Variants in PHLPP1 observed in about 807,000 individuals in gnomAD.
PHLPP1 encodes PH domain and leucine rich repeat protein phosphatase 1, also known as PH domain leucine-rich repeat-containing protein phosphatase 1.
A neutral mutation model predicts 117.2 loss-of-function variants in PHLPP1; 42 were observed. That is an observed-to-expected ratio of 0.36 (90% confidence interval 0.28 to 0.46). PHLPP1 has a LOEUF of 0.46. Ranked by LOEUF, PHLPP1 falls within the 20% of genes least tolerant of loss-of-function variation. The pLI is 1.00. For synonymous variants in PHLPP1, 1,042 were observed against 970.7 expected, an observed-to-expected ratio of 1.07 and a Z score of -1.37; for missense variants, 2,084 against 2,241.9, an observed-to-expected ratio of 0.93 and a Z score of 1.42.
At chr18:62,966,727 C>G (rs1036632346) in intron 14 of PHLPP1, among the ~76,000 whole-genome samples, 2 of 152,158 alleles carry the variant, frequency 1.3e-5, no homozygotes, top group Admixed American at 6.5e-5. Flanking sequence ...CCTCGGCCTC[C>G]CAAAGTGCTG....
At chr18:62,852,929 C>A (rs767733190) in intron 3 of PHLPP1, among the ~76,000 whole-genome samples, 6 of 152,064 alleles carry the variant, frequency 3.9e-5, no homozygotes, top group Non-Finnish European at 2.9e-5. Context: ...ATTTTGAAAG[C>A]GTGGCAGGGA....
chr18:62,824,058 G>C, intron 1 of PHLPP1: 1 of 398,860 alleles, frequency 2.5e-6, no homozygotes, highest in Non-Finnish European at 5.0e-6. Context: ...CTTGAACCTG[G>C]GAGGTGGAGG....
chr18:62,913,802 G>A (rs1481381632), intron 8 of PHLPP1, among the ~76,000 whole-genome samples: 5 of 133,748 alleles, frequency 3.7e-5, no homozygotes, highest in African/African-American at 1.4e-4. Flanking sequence ...GGAGTGCAAT[G>A]GTGTGATCTT....
At chr18:62,895,633 A>G (rs1466008514) in intron 5 of PHLPP1, 148 bp from the exon 6 acceptor site, 4 of 611,854 alleles carry the variant, frequency 6.5e-6, no homozygotes, top group Admixed American at 2.9e-5. Context: ...TCTTTGGTCC[A>G]TTATTGCCTC....
intron 10 of PHLPP1, 99 bp from the exon 11 acceptor site, chr18:62,941,619 C>T: frequency 1.3e-6 from 1 of 795,190 alleles, no homozygotes; most frequent in Non-Finnish European, 2.0e-6. Context: ...ATTCATGTTT[C>T]TGATCCCAGC....
chr18:62,919,733 T>G (rs1366179867), intron 9 of PHLPP1, among the ~76,000 whole-genome samples: 1 of 152,204 alleles, frequency 6.6e-6, no homozygotes, highest in Non-Finnish European at 1.5e-5. Flanking sequence ...CTATAGAACT[T>G]GTTTTTTGCT....
In PHLPP1 at chr18:62,945,116, G is replaced by T; in HGVS notation, c.3169G>T (p.Ala1057Ser). ...TATTTTCTCTTTTTTTAGTAAAATG[G>T]CGAAACTGGAGGAACTTGAAGAAAT... ...RLQSFPASKMAKLEELEEIDL... is the reference protein window; with the variant it reads ...RLQSFPASKMSKLEELEEIDL... The change falls in exon 12 of 17, where the codon GCG becomes TCG. Residue 1057 changes from alanine (A) to serine (S), a missense_variant. Around this residue, in one of 2 missense-constraint regions of PHLPP1, gnomAD observed 1,365 missense variants for 1,605.9 expected, o/e 0.85. Coordinates refer to ENST00000262719, the MANE Select transcript of PHLPP1 (RefSeq NM_194449.4). 1 of 1,578,550 alleles carries T rather than the reference G, an allele frequency of 6.3e-7. No homozygotes were observed. Among genetic ancestry groups the T allele is most frequent in the East Asian group, 2.3e-5 (1 of 43,870 alleles).
At chr18:62,742,472 C>T (rs1219363282) in intron 1 of PHLPP1, among the ~76,000 whole-genome samples, 4 of 151,886 alleles carry the variant, frequency 2.6e-5, no homozygotes, top group Non-Finnish European at 4.4e-5. Flanking sequence ...CTTGCTCTGT[C>T]GCCCAGGCTG....
At chr18:62,779,458 G>A (rs886895304) in intron 1 of PHLPP1, 1 of 152,148 alleles carries the variant, frequency 6.6e-6, no homozygotes, top group African/African-American at 2.4e-5. Context: ...GTATCCCAGT[G>A]CATGGAGACA....
chr18:62,972,756 T>A, intron 15 of PHLPP1, 48 bp downstream of exon 15: 1 of 1,381,194 alleles, frequency 7.2e-7, no homozygotes, highest in Non-Finnish European at 1.0e-6. Context: ...TCTTGCTCTT[T>A]GAGTGTTTAT....
At chr18:62,896,957 A>G (rs1916578512) in intron 6 of PHLPP1, among the ~76,000 whole-genome samples, 1 of 152,218 alleles carries the variant, frequency 6.6e-6, no homozygotes, top group Admixed American at 6.5e-5. Flanking sequence ...GTTATAATTT[A>G]TCTGATTTTT....
chr18:62,816,962 G>A (rs1277331637), intron 1 of PHLPP1, among the ~76,000 whole-genome samples: 2 of 152,126 alleles, frequency 1.3e-5, no homozygotes, highest in Non-Finnish European at 2.9e-5. Context: ...TAATAGTAGA[G>A]ACAGGGTCTT....
chr18:62,817,563 A>C (rs574160713), intron 1 of PHLPP1, among the ~76,000 whole-genome samples: 1 of 152,074 alleles, frequency 6.6e-6, no homozygotes, highest in Non-Finnish European at 1.5e-5. Flanking sequence ...ACGATGAAAC[A>C]TACAGAATTA....
At chr18:62,798,317 G>A (rs1470585272) in intron 1 of PHLPP1, among the ~76,000 whole-genome samples, 1 of 152,064 alleles carries the variant, frequency 6.6e-6, no homozygotes, top group Non-Finnish European at 1.5e-5. Context: ...GCTTTGCTTG[G>A]GATCCAGGTG....
intron 16 of PHLPP1, among the ~76,000 whole-genome samples, chr18:62,976,072 G>A (rs758054075): frequency 3.3e-5 from 5 of 152,204 alleles, no homozygotes; most frequent in Admixed American, 1.3e-4. Flanking sequence ...AACTATGAAC[G>A]TCTATGTAAG....
chr18:62,958,783 A>G, intron 13 of PHLPP1, 24 bp downstream of exon 13: 1 of 1,612,468 alleles, frequency 6.2e-7, no homozygotes, highest in Non-Finnish European at 8.5e-7. Flanking sequence ...AAAGCACTGT[A>G]TCCCCATCAT....
At chr18:62,915,920 T>G (rs1909256924) in intron 9 of PHLPP1, among the ~76,000 whole-genome samples, 1 of 152,238 alleles carries the variant, frequency 6.6e-6, no homozygotes, top group East Asian at 1.9e-4. Flanking sequence ...ATTTCCACCA[T>G]TCTCAGCCAG....
intron 3 of PHLPP1, among the ~76,000 whole-genome samples, chr18:62,845,411 A>G (rs1258738352): frequency 6.6e-6 from 1 of 152,172 alleles, no homozygotes; most frequent in Non-Finnish European, 1.5e-5. Flanking sequence ...ATGCTAAACG[A>G]TCCCATGAAA....
intron 10 of PHLPP1, among the ~76,000 whole-genome samples, chr18:62,939,638 CTTT>C (rs11373386): frequency 7.0e-6 from 1 of 143,626 alleles, no homozygotes; most frequent in Non-Finnish European, 1.5e-5. Context: ...CTCTAACTTC[CTTT>C]TTTTTTTTTT....
Sources: gnomAD v4.1 joint callset for allele counts (sites outside exome capture counted in the v4.1 genomes callset) on GRCh38, gnomAD v4.1.1 for gene constraint, gnomAD v4.1.1 regional missense constraint, MANE v1.5 for transcripts, NCBI Gene and HGNC (gene_info 2026-07-23, HGNC 2026-07-21) for gene names.